OSBPL6: variants seen among roughly 807,000 people sequenced by gnomAD.
OSBPL6 encodes the protein oxysterol binding protein like 6, also known as oxysterol-binding protein-related protein 6.
A neutral mutation model predicts 125.8 loss-of-function variants in OSBPL6; 49 were observed. The ratio of observed to expected loss-of-function variants is 0.39; its 90% CI spans 0.31 to 0.49. The LOEUF is 0.49. Ranked by LOEUF, OSBPL6 falls within the 20% of genes least tolerant of loss-of-function variation. The probability of loss-of-function intolerance (pLI) is 0.88; values close to 1 mark genes in which losing one functional copy is unlikely to be tolerated. For missense variants in OSBPL6, 986 were observed against 1,135.4 expected (o/e 0.87, Z 1.89); for synonymous variants, 394 against 391.8 (o/e 1.01, Z -0.07).
At chr2:178,330,337 C>G (rs914521402) in intron 5 of OSBPL6, among the ~76,000 whole-genome samples, 1 of 152,124 alleles carries the variant, frequency 6.6e-6, no homozygotes, top group Non-Finnish European at 1.5e-5. Context: ...CTTTCTAGAC[C>G]GTGCCTTTGA....
chr2:178,202,476 T>G (rs984173114), intron 1 of OSBPL6, among the ~76,000 whole-genome samples: 5 of 152,238 alleles, frequency 3.3e-5, no homozygotes, highest in Non-Finnish European at 7.3e-5. Flanking sequence ...GTGAGAAATC[T>G]ATTATCCTTA....
chr2:178,366,672 T>C (rs1157704310), intron 13 of OSBPL6, among the ~76,000 whole-genome samples: 1 of 152,184 alleles, frequency 6.6e-6, no homozygotes, highest in African/African-American at 2.4e-5. Context: ...TAATGTAAAA[T>C]CCAAGTCATA....
intron 3 of OSBPL6, among the ~76,000 whole-genome samples, chr2:178,313,958 A>G (rs1687518496): frequency 6.6e-6 from 1 of 152,358 alleles, no homozygotes; most frequent in Non-Finnish European, 1.5e-5. Flanking sequence ...GACAGTAAAA[A>G]TGTCTCTCAT....
At chr2:178,367,492 G>A (rs1018166488) in intron 13 of OSBPL6, among the ~76,000 whole-genome samples, 3 of 152,126 alleles carry the variant, frequency 2.0e-5, no homozygotes, top group Admixed American at 6.6e-5. Context: ...AGGCTTCTAT[G>A]TTTTTCTCCC....
intron 1 of OSBPL6, among the ~76,000 whole-genome samples, chr2:178,249,654 G>A (rs554398762): frequency 4.5e-4 from 69 of 152,088 alleles, no homozygotes; most frequent in African/African-American, 1.6e-3. Flanking sequence ...CTCTATGTAG[G>A]CTCATTTCTT....
intron 1 of OSBPL6, among the ~76,000 whole-genome samples, chr2:178,195,821 ATAAT>A (rs2088852928): frequency 1.3e-5 from 2 of 151,900 alleles, no homozygotes; most frequent in Admixed American, 6.6e-5. Context: ...TTTTTTCTAA[ATAAT>A]TTTCTTGGAC....
At chr2:178,225,003 TTCTCTCTCTC>T (rs10679680) in intron 1 of OSBPL6, among the ~76,000 whole-genome samples, 2 of 148,442 alleles carry the variant, frequency 1.3e-5, no homozygotes, top group East Asian at 2.0e-4. Context: ...CTCTCTCTCT[TTCTCTCTCTC>T]TCTCTCTCTC....
chr2:178,207,156 A>G (rs571579473), intron 1 of OSBPL6, among the ~76,000 whole-genome samples: 1 of 152,298 alleles, frequency 6.6e-6, no homozygotes, highest in Admixed American at 6.5e-5. Context: ...GCAGAGTGGT[A>G]TACTGGTTTC....
At chr2:178,223,838 G>A (rs933262636) in intron 1 of OSBPL6, among the ~76,000 whole-genome samples, 4 of 152,128 alleles carry the variant, frequency 2.6e-5, no homozygotes, top group Non-Finnish European at 4.4e-5. Context: ...AAATGTTATT[G>A]AACTCATTTT....
At chr2:178,299,960 T>C (rs1574800920) in intron 2 of OSBPL6, among the ~76,000 whole-genome samples, 1 of 152,180 alleles carries the variant, frequency 6.6e-6, no homozygotes, top group Non-Finnish European at 1.5e-5. Flanking sequence ...ATCTAGGATT[T>C]TCTAATGAGG....
chr2:178,207,930 T>G (rs2089624364), intron 1 of OSBPL6, among the ~76,000 whole-genome samples: 1 of 152,106 alleles, frequency 6.6e-6, no homozygotes, highest in African/African-American at 2.4e-5. Context: ...TTAACCAAAT[T>G]ATGGAGATTG....
chr2:178,389,516 A>G (rs1695226238), intron 21 of OSBPL6, among the ~76,000 whole-genome samples: 1 of 152,190 alleles, frequency 6.6e-6, no homozygotes, highest in African/African-American at 2.4e-5. Context: ...TGTTCAAGTG[A>G]TCTGAATTTC....
chr2:178,312,431 T>TA (rs1458361595), intron 3 of OSBPL6, among the ~76,000 whole-genome samples: 2 of 151,032 alleles, frequency 1.3e-5, no homozygotes, highest in African/African-American at 4.9e-5. Flanking sequence ...GTGCTGGAAT[T>TA]ACAGGCATGA....
intron 1 of OSBPL6, among the ~76,000 whole-genome samples, chr2:178,238,528 A>G (rs1385684007): frequency 6.6e-6 from 1 of 152,218 alleles, no homozygotes; most frequent in Non-Finnish European, 1.5e-5. Context: ...TTTAATAAGG[A>G]AAAAGAATAA....
intron 1 of OSBPL6, among the ~76,000 whole-genome samples, chr2:178,221,640 A>G (rs1460535909): frequency 1.3e-5 from 2 of 152,254 alleles, no homozygotes; most frequent in African/African-American, 4.8e-5. Context: ...AGCACCGTCT[A>G]TCAGCCAAGT....
upstream of OSBPL6, among the ~76,000 whole-genome samples, chr2:178,193,929 C>T (rs1574439453): frequency 6.6e-6 from 1 of 152,310 alleles, no homozygotes; most frequent in East Asian, 1.9e-4. Context: ...GGAGCAGGCA[C>T]GCACAGTCGC....
chr2:178,402,004 G>A lies in OSBPL6; in HGVS notation c.*6445G>A, dbSNP rs1017394320. 1 of 152,402 alleles carries A rather than the reference G, an allele frequency of 6.6e-6. No individual in the cohort carries two copies. 9.4% of individuals were successfully genotyped at this position (152,402 alleles called of 1,614,324 possible). The stretch of plus-strand genomic sequence containing the variant: ...CACCTGTAGTCCCAGCTACTCAGGA[G>A]GCTGAGGCAGGAGGATGGCTTGAGC... On this transcript the variant is annotated 3_prime_UTR_variant, in exon 25 of 25. Transcript: ENST00000190611.
chr2:178,377,771 T>C (rs2154109794), intron 15 of OSBPL6, among the ~76,000 whole-genome samples: 1 of 152,350 alleles, frequency 6.6e-6, no homozygotes, highest in Non-Finnish European at 1.5e-5. Context: ...AAGCCTATGC[T>C]GGCTGTCCTA....
chr2:178,193,839 A>G (rs556945300), upstream of OSBPL6, among the ~76,000 whole-genome samples: 79 of 152,276 alleles, frequency 5.2e-4, no homozygotes, highest in African/African-American at 1.9e-3. Context: ...AGGGGCTTGA[A>G]GGAACCGGCT....
Sources: gnomAD v4.1 joint callset for allele counts (sites outside exome capture counted in the v4.1 genomes callset) on GRCh38, gnomAD v4.1.1 for gene constraint, MANE v1.5 for transcripts, NCBI Gene and HGNC (gene_info 2026-07-23, HGNC 2026-07-21) for gene names.